Variants in ADAMTSL1 observed in about 807,000 individuals in gnomAD.
ADAMTSL1 encodes the protein ADAMTS-like protein 1.
Under a neutral mutation model 201.8 loss-of-function variants are expected in ADAMTSL1, and 126 were observed. That is an observed-to-expected ratio of 0.62 (90% CI 0.54 to 0.72). ADAMTSL1 has a LOEUF of 0.72. Among genes scored for constraint, ADAMTSL1 ranks in the 30% least tolerant of loss-of-function variants. ADAMTSL1 has a pLI of 0.00. For synonymous variants in ADAMTSL1, 1,121 were observed against 903.4 expected (o/e 1.24, Z -4.32); for missense variants, 2,679 against 2,277.8 (o/e 1.18, Z -3.59).
At chr9:18,066,088 G>A (rs1822689209) in intron 1 of ADAMTSL1, among the ~76,000 whole-genome samples, 1 of 149,158 alleles carries the variant, frequency 6.7e-6, no homozygotes, top group Non-Finnish European at 1.5e-5. Context: ...AAAGAAATAA[G>A]CTTATGACAA....
chr9:18,486,208 C>G (rs532949993), intron 1 of ADAMTSL1, among the ~76,000 whole-genome samples: 2 of 152,162 alleles, frequency 1.3e-5, no homozygotes, highest in African/African-American at 2.4e-5. Context: ...TTTTGACCTA[C>G]AGTTAGGGAT....
intron 15 of ADAMTSL1, among the ~76,000 whole-genome samples, chr9:18,741,325 A>T (rs1010882929): frequency 2.6e-5 from 4 of 152,084 alleles, no homozygotes; most frequent in African/African-American, 4.8e-5. Flanking sequence ...GGCTGAATAG[A>T]TGGGTAGAAT....
At position 18,645,359 on chromosome 9, in the gene ADAMTSL1, G is replaced by C. The variant is rs1286938888; in HGVS notation, c.834+5948G>C. ...AGGTTGCCTGTTCACTCTGATGGTA[G>C]TTTCTTTTGCTGTGCAGAAGCTCTT... On this transcript the variant is annotated intron_variant, in intron 7 of 28. Transcript: ENST00000380548. Among the ~76,000 whole-genome samples, 6 of 152,268 alleles carry C rather than the reference G, an allele frequency of 3.9e-5. No homozygotes were observed. The East Asian group carries it at 1.2e-3, about 29-fold the overall frequency.
intron 2 of ADAMTSL1, among the ~76,000 whole-genome samples, chr9:18,507,154 T>C (rs976464493): frequency 1.3e-5 from 2 of 152,218 alleles, no homozygotes; most frequent in Non-Finnish European, 2.9e-5. Context: ...ATTATTAGGC[T>C]AAACTGTATT....
chr9:17,957,909 C>T (rs1312960267), intron 1 of ADAMTSL1, among the ~76,000 whole-genome samples: 1 of 152,114 alleles, frequency 6.6e-6, no homozygotes, highest in Non-Finnish European at 1.5e-5. Context: ...GGAAGCGTGG[C>T]CCTGCCAGCA....
chr9:18,444,565 T>C (rs931744249), intron 2 of ADAMTSL1, among the ~76,000 whole-genome samples: 1 of 152,174 alleles, frequency 6.6e-6, no homozygotes, highest in Non-Finnish European at 1.5e-5. Flanking sequence ...GCTTGAAGAT[T>C]GGCCTCAAGC....
At position 18,244,933 on chromosome 9, in the gene ADAMTSL1, T is replaced by C. The variant is rs150538103; in HGVS notation, c.207+80952T>C. Reference sequence around the variant, plus strand: ...CGCTGGAGCATCTCCCATAGATTATTGTTTGATGGCATTGGATTGAACTGT... The same window carrying C: ...CGCTGGAGCATCTCCCATAGATTATCGTTTGATGGCATTGGATTGAACTGT... On this transcript the variant is annotated intron_variant, in intron 2 of 29. Transcript: ENST00000680146. Among the ~76,000 whole-genome samples, 298 of 152,304 alleles carry C rather than the reference T, an allele frequency of 2.0e-3. 2 individuals carry two copies. The highest frequency in any genetic ancestry group is 6.9e-3 in the African/African-American group (285 of 41,568).
intron 2 of ADAMTSL1, among the ~76,000 whole-genome samples, chr9:18,203,066 C>A (rs756812998): frequency 6.6e-6 from 1 of 152,148 alleles, no homozygotes; most frequent in Non-Finnish European, 1.5e-5. Flanking sequence ...CCAGCTCTTT[C>A]CTGACCAGGT....
At position 18,474,305 on chromosome 9, in the gene ADAMTSL1, T is replaced by G; in HGVS notation, c.63+10T>G. ...GGCTTTCCTGCTCCTGGTAAATGCC[T>G]TTTCATTTCAATGCATTGCTATTGC... On this transcript the variant is annotated intron_variant, in intron 1 of 28. Coordinates refer to ENST00000380548, the MANE Select transcript of ADAMTSL1 (RefSeq NM_001040272.6). 3 of 1,613,986 alleles carry G rather than the reference T, an allele frequency of 1.9e-6. No homozygotes were observed. The highest frequency in any genetic ancestry group is 2.5e-6 in the Non-Finnish European group (3 of 1,179,918).
intron 2 of ADAMTSL1, among the ~76,000 whole-genome samples, chr9:18,311,092 A>C (rs907150960): frequency 2.0e-5 from 3 of 152,126 alleles, no homozygotes; most frequent in Admixed American, 1.3e-4. Flanking sequence ...TTCTCAGCAA[A>C]GTAACACAGG....
intron 20 of ADAMTSL1, among the ~76,000 whole-genome samples, chr9:18,804,089 C>G (rs1322955576): frequency 6.6e-6 from 1 of 152,148 alleles, no homozygotes; most frequent in African/African-American, 2.4e-5. Flanking sequence ...TAGCTGCTCT[C>G]TTGGGTCTCT....
Position 18,888,026 on chromosome 9 carries a change from C to T in ADAMTSL1, c.4445C>T (p.Ala1482Val). 2 of 1,613,250 alleles carry T rather than the reference C, an allele frequency of 1.2e-6. No homozygotes were observed. Among genetic ancestry groups the T allele is most frequent in the Non-Finnish European group, 1.7e-6 (2 of 1,179,632 alleles). ...QNEAGVLMQK[A>V]SLVIQDYWWS... is the part of the protein sequence containing the mutation. ...GAGGCAGGGGTGCTCATGCAGAAGG[C>T]ATCTTTAGTGATCCAAGGTAAGAAA... Residue 1482 changes from alanine (A) to valine (V), a missense_variant, in exon 24 of 29, where the codon GCA (alanine) becomes GTA (valine). Ala to Val is a moderately conservative substitution (Grantham distance 64). Coordinates refer to ENST00000380548, the MANE Select transcript of ADAMTSL1 (RefSeq NM_001040272.6).
At chr9:18,263,858 A>G (rs1408288630) in intron 2 of ADAMTSL1, among the ~76,000 whole-genome samples, 1 of 152,318 alleles carries the variant, frequency 6.6e-6, no homozygotes, top group East Asian at 1.9e-4. Flanking sequence ...GAGAGCCCTC[A>G]GCAGAAATTG....
At chr9:18,704,854 T>C (rs1197000429) in intron 13 of ADAMTSL1, among the ~76,000 whole-genome samples, 1 of 152,164 alleles carries the variant, frequency 6.6e-6, no homozygotes, top group African/African-American at 2.4e-5. Context: ...GAGATTTTCT[T>C]GGGATAATTC....
intron 5 of ADAMTSL1, among the ~76,000 whole-genome samples, chr9:18,634,055 G>C (rs1189115617): frequency 6.6e-6 from 1 of 152,062 alleles, no homozygotes; most frequent in Non-Finnish European, 1.5e-5. Context: ...CACGACAATA[G>C]TATAAGGCAA....
chr9:18,198,195 T>C (rs1829272526), intron 2 of ADAMTSL1, among the ~76,000 whole-genome samples: 2 of 151,778 alleles, frequency 1.3e-5, no homozygotes, highest in Non-Finnish European at 2.9e-5. Flanking sequence ...GACATAGGCA[T>C]GGGCAAGGAC....
intron 2 of ADAMTSL1, among the ~76,000 whole-genome samples, chr9:18,256,421 A>G (rs1320118389): frequency 2.0e-5 from 3 of 152,212 alleles, no homozygotes; most frequent in Non-Finnish European, 4.4e-5. Flanking sequence ...ACAGGAAAGA[A>G]TGCAAAGTAC....
At chr9:18,009,671 T>A (rs1326389569) in intron 1 of ADAMTSL1, among the ~76,000 whole-genome samples, 1 of 152,040 alleles carries the variant, frequency 6.6e-6, no homozygotes, top group Non-Finnish European at 1.5e-5. Flanking sequence ...GAAGGAATTT[T>A]GGATATTCCA....
rs1821265216 is a variant in ADAMTSL1, at chr9:18,037,817, T to C, written c.88-126045T>C. On this transcript the variant is annotated intron_variant, in intron 1 of 29. Transcript: ENST00000680146. The stretch of plus-strand genomic sequence containing the variant: ...AAATGCATCCTCTCCAAATACAGCG[T>C]GCAGAAATAGCATCTGAAGATTTAT... Among the ~76,000 whole-genome samples, 3 of 152,178 alleles carry C rather than the reference T, an allele frequency of 2.0e-5. No homozygotes were observed. In the South Asian group the frequency reaches 6.2e-4, roughly 32 times the overall value.
Sources: gnomAD v4.1 joint callset for allele counts (sites outside exome capture counted in the v4.1 genomes callset) on GRCh38, gnomAD v4.1.1 for gene constraint, MANE v1.5 for transcripts, NCBI Gene and HGNC (gene_info 2026-07-23, HGNC 2026-07-21) for gene names.